Variants in RAD50 observed in about 807,000 individuals in gnomAD.
RAD50 encodes the protein RAD50 double strand break repair protein.
Under a neutral mutation model 168.8 loss-of-function variants are expected in RAD50, and 132 were observed. The observed-to-expected ratio is 0.78, with a 90% CI of 0.68 to 0.90. The LOEUF (loss-of-function observed/expected upper bound fraction) is 0.90. Ranked by LOEUF, RAD50 falls within the 40% of genes least tolerant of loss-of-function variation. RAD50 has a pLI of 0.00. For missense variants in RAD50, 1,347 were observed against 1,534.4 expected, an observed-to-expected ratio of 0.88 and a Z score of 2.04; for synonymous variants, 525 against 497.4, an observed-to-expected ratio of 1.06 and a Z score of -0.74.
chr5:132,620,562 G>A (rs1751268632), intron 21 of RAD50, among the ~76,000 whole-genome samples: 1 of 152,080 alleles, frequency 6.6e-6, no homozygotes, highest in Non-Finnish European at 1.5e-5. Context: ...CAATTGAGTT[G>A]GATTTATTTC....
rs369788398 is a variant in RAD50, at chr5:132,638,144, G to A, written c.3539G>A (p.Arg1180Gln). The change falls in exon 23 of 25, where the codon CGG (arginine) becomes CAG (glutamine). Residue 1180 changes from arginine to glutamine, a missense_variant. Arg to Gln is a conservative substitution (Grantham distance 43, BLOSUM62 1). Coordinates refer to ENST00000378823, the MANE Select transcript of RAD50 (RefSeq NM_005732.4). ...DENVSASDKR[R>Q]NYNYRVVMLK... Reference sequence around the variant, plus strand: ...AATGTATCAGCTTCTGATAAAAGGCGGAATTATAACTACCGAGTGGTGATG... The same window carrying A: ...AATGTATCAGCTTCTGATAAAAGGCAGAATTATAACTACCGAGTGGTGATG... 1.2e-5 allele frequency: 20 copies of A among 1,614,154 alleles called. No individual in the cohort carries two copies. The highest frequency in any genetic ancestry group is 3.3e-5 in the South Asian group (3 of 91,084).
At chr5:132,570,105 C>G (rs1490092611) in intron 2 of RAD50, among the ~76,000 whole-genome samples, 2 of 152,070 alleles carry the variant, frequency 1.3e-5, no homozygotes, top group Non-Finnish European at 2.9e-5. Context: ...TGGTAAAAAC[C>G]CTCAGCATAA....
At chr5:132,619,788 C>CTCTG (rs1751242953) in intron 21 of RAD50, among the ~76,000 whole-genome samples, 1 of 137,154 alleles carries the variant, frequency 7.3e-6, no homozygotes, top group Non-Finnish European at 1.5e-5. Flanking sequence ...CTACTCCTCT[C>CTCTG]TCTCTCTCTC....
chr5:132,574,671 T>A lies in RAD50; in HGVS notation c.214-1106T>A, dbSNP rs548814156. 5.9e-5 allele frequency among the ~76,000 whole-genome samples: 9 copies of A among 152,336 alleles called. No homozygotes were observed. The South Asian group carries it at 1.9e-3, about 32-fold the overall frequency. On this transcript the variant is annotated intron_variant, in intron 2 of 24. Coordinates refer to ENST00000378823, the MANE Select transcript of RAD50 (RefSeq NM_005732.4). ...CTGCAAATTTTCCAAACTTTTATGCTGTTTCCCTTTTAATACTGCATCCCT... is the reference window on the plus strand; with the variant it reads ...CTGCAAATTTTCCAAACTTTTATGCAGTTTCCCTTTTAATACTGCATCCCT...
At position 132,618,174 on chromosome 5, in the gene RAD50, A is replaced by G. The variant is rs1374069896; in HGVS notation, c.3269A>G (p.Lys1090Arg). Residue 1090 changes from lysine (K) to arginine (R), a missense_variant, in exon 21 of 25, where the codon AAA becomes AGA. By Grantham distance (26) the Lys-to-Arg change is conservative. This residue lies in a region of RAD50 where 635 missense variants were observed against 739.2 expected (regional missense o/e 0.86). Transcript: ENST00000378823. ...GAAGAAGAAATTATTCATTTTAAGA[A>G]AGAACTTCGAGAACCACAATTTCGG... ...GYEEEIIHFK[K>R]ELREPQFRDA... 1 of 1,613,848 alleles carries G rather than the reference A, an allele frequency of 6.2e-7. No individual in the cohort carries two copies. Among genetic ancestry groups the G allele is most frequent in the Non-Finnish European group, 8.5e-7 (1 of 1,179,946 alleles).
intron 21 of RAD50, among the ~76,000 whole-genome samples, chr5:132,620,646 G>A (rs1284138483): frequency 1.3e-5 from 2 of 151,272 alleles, no homozygotes; most frequent in Non-Finnish European, 2.9e-5. Flanking sequence ...TCCCTTCTTT[G>A]GGTTATCCAG....
chr5:132,600,593 A>T (rs958725621), intron 13 of RAD50, among the ~76,000 whole-genome samples: 3 of 152,268 alleles, frequency 2.0e-5, no homozygotes, highest in East Asian at 3.9e-4. Context: ...CTGAAAATGT[A>T]CCTGTTTATC....
Position 132,582,909 on chromosome 5 carries a change from G to C in RAD50, c.756+2843G>C, listed in dbSNP as rs1027425572. ...GAACCAAAACACAGATGTCAAAGAA[G>C]GAATTCAGGGGATCTGGTGACTGGC... On this transcript the variant is annotated intron_variant, in intron 5 of 24. Coordinates refer to ENST00000378823, the MANE Select transcript of RAD50 (RefSeq NM_005732.4). Among the ~76,000 whole-genome samples, 6 of 152,104 alleles carry C rather than the reference G, an allele frequency of 3.9e-5. No individual in the cohort carries two copies. The South Asian group carries it at 1.2e-3, about 32-fold the overall frequency.
chr5:132,641,277 C>CCAG (rs1305903277), intron 24 of RAD50, among the ~76,000 whole-genome samples: 11 of 152,186 alleles, frequency 7.2e-5, no homozygotes, highest in Admixed American at 7.2e-4. Context: ...TAGGTAAAGT[C>CCAG]CAGTGAGGGT....
chr5:132,563,430 T>G (rs1419239117), intron 2 of RAD50, among the ~76,000 whole-genome samples: 1 of 152,226 alleles, frequency 6.6e-6, no homozygotes, highest in African/African-American at 2.4e-5. Context: ...TGCTTTTATA[T>G]TCTCAAATGA....
At chr5:132,590,251 C>T (rs1227371082) in intron 9 of RAD50, among the ~76,000 whole-genome samples, 1 of 152,192 alleles carries the variant, frequency 6.6e-6, no homozygotes, top group African/African-American at 2.4e-5. Flanking sequence ...AGGCAGATAA[C>T]GTGAGGTCAG....
At chr5:132,616,435 A>G (rs1479454054) in intron 20 of RAD50, among the ~76,000 whole-genome samples, 1 of 152,216 alleles carries the variant, frequency 6.6e-6, no homozygotes, top group Non-Finnish European at 1.5e-5. Flanking sequence ...CATAAAGAAT[A>G]TGGAGCTGTG....
intron 21 of RAD50, among the ~76,000 whole-genome samples, chr5:132,624,067 ATTAAGT>A (rs1365884028): frequency 1.3e-5 from 2 of 152,212 alleles, no homozygotes; most frequent in South Asian, 2.1e-4. Flanking sequence ...TTTTTGTTAG[ATTAAGT>A]TTAACTTTTA....
At chr5:132,639,585 T>G (rs1751673035) in intron 23 of RAD50, among the ~76,000 whole-genome samples, 1 of 152,232 alleles carries the variant, frequency 6.6e-6, no homozygotes, top group Admixed American at 6.5e-5. Flanking sequence ...AAAAATACTT[T>G]CAAAAATATC....
At chr5:132,622,794 G>C (rs1751307087) in intron 21 of RAD50, among the ~76,000 whole-genome samples, 1 of 152,102 alleles carries the variant, frequency 6.6e-6, no homozygotes, top group Non-Finnish European at 1.5e-5. Context: ...ATCTTTAGTA[G>C]TGTTGTTTTT....
intron 2 of RAD50, among the ~76,000 whole-genome samples, chr5:132,570,277 G>A (rs939242969): frequency 1.9e-4 from 29 of 152,212 alleles, no homozygotes; most frequent in South Asian, 1.0e-3. Context: ...AATGGGGGGG[G>A]AAATGGAGAA....
intron 5 of RAD50, among the ~76,000 whole-genome samples, chr5:132,580,639 T>C (rs1328174410): frequency 6.6e-6 from 1 of 152,224 alleles, no homozygotes; most frequent in African/African-American, 2.4e-5. Flanking sequence ...AACATGTTCA[T>C]ATATTTGCAA....
At chr5:132,641,536 C>G (rs1261546522) in intron 24 of RAD50, among the ~76,000 whole-genome samples, 2 of 152,094 alleles carry the variant, frequency 1.3e-5, no homozygotes, top group African/African-American at 4.8e-5. Flanking sequence ...TTTGAAACCT[C>G]AAATGCATCC....
intron 3 of RAD50, among the ~76,000 whole-genome samples, chr5:132,576,980 A>T (rs916286456): frequency 1.3e-5 from 2 of 152,232 alleles, no homozygotes; most frequent in Non-Finnish European, 2.9e-5. Context: ...TTCATGTATT[A>T]GTCTTCTATG....
Sources: allele counts gnomAD v4.1 joint callset (sites outside exome capture counted in the v4.1 genomes callset), GRCh38; gene constraint gnomAD v4.1.1; regional missense constraint gnomAD v4.1.1; transcripts MANE v1.5; gene names NCBI Gene and HGNC (gene_info 2026-07-23, HGNC 2026-07-21).